GRAMD1B: variants seen among roughly 807,000 people sequenced by gnomAD.
GRAMD1B encodes GRAM domain containing 1B.
GRAMD1B carries 37 observed loss-of-function variants against 99.7 expected under a neutral mutation model. The ratio of observed to expected loss-of-function variants is 0.37; its 90% confidence interval spans 0.29 to 0.49. The LOEUF (loss-of-function observed/expected upper bound fraction) is 0.49, where lower values mean the gene tolerates loss of function less well. Ranked by LOEUF, GRAMD1B falls within the 20% of genes least tolerant of loss-of-function variation. The pLI is 0.98. For synonymous variants in GRAMD1B, 427 were observed against 387.6 expected, an observed-to-expected ratio of 1.10 and a Z score of -1.19; for missense variants, 888 against 1,009.2, an observed-to-expected ratio of 0.88 and a Z score of 1.63.
intron 2 of GRAMD1B, among the ~76,000 whole-genome samples, chr11:123,509,274 C>G (rs1190928346): frequency 6.6e-6 from 1 of 152,130 alleles, no homozygotes; most frequent in Non-Finnish European, 1.5e-5. Context: ...TCACTTGTAG[C>G]CTTTTGTAGA....
At chr11:123,463,657 G>A (rs1950539359) in intron 1 of GRAMD1B, among the ~76,000 whole-genome samples, 1 of 152,152 alleles carries the variant, frequency 6.6e-6, no homozygotes, top group African/African-American at 2.4e-5. Flanking sequence ...TGGGTCAGCA[G>A]AGAAAAAAGT....
At chr11:123,575,395 C>A (rs968500475) in intron 2 of GRAMD1B, among the ~76,000 whole-genome samples, 31 of 152,114 alleles carry the variant, frequency 2.0e-4, no homozygotes, top group African/African-American at 7.0e-4. Flanking sequence ...GTTGCCCGGG[C>A]TGGTCTCAAA....
chr11:123,368,272 A>AG (rs1321062911), intron 1 of GRAMD1B, among the ~76,000 whole-genome samples: 1 of 143,150 alleles, frequency 7.0e-6, no homozygotes, highest in Non-Finnish European at 1.5e-5. Flanking sequence ...AAAAAAAAAA[A>AG]AAAAAAGAAA....
chr11:123,567,921 A>G (rs1298176881), intron 2 of GRAMD1B, among the ~76,000 whole-genome samples: 1 of 152,222 alleles, frequency 6.6e-6, no homozygotes, highest in Non-Finnish European at 1.5e-5. Context: ...CCTTATGTTA[A>G]TTAGTCAATT....
chr11:123,613,663 G>C lies in GRAMD1B; in HGVS notation c.2227+5G>C. 1 of 1,610,808 alleles carries C rather than the reference G, an allele frequency of 6.2e-7. No homozygotes were observed. Among genetic ancestry groups the C allele is most frequent in the Non-Finnish European group, 8.5e-7 (1 of 1,178,226 alleles). ...ACAGGATCAAACATGTGGCAGGTGT[G>C]TGCCAGGTGGGGACAGGTCGGGTGG... On this transcript the variant is annotated splice_donor_5th_base_variant and intron_variant, in intron 16 of 19. Coordinates refer to ENST00000635736, the MANE Select transcript of GRAMD1B (RefSeq NM_001387025.1).
chr11:123,494,514 A>G (rs778487769), intron 2 of GRAMD1B, among the ~76,000 whole-genome samples: 2 of 151,774 alleles, frequency 1.3e-5, no homozygotes, highest in Non-Finnish European at 2.9e-5. Context: ...TGCTTCCCCA[A>G]GTTCCCAGCT....
chr11:123,423,927 T>A (rs1401584661), intron 1 of GRAMD1B, among the ~76,000 whole-genome samples: 1 of 152,114 alleles, frequency 6.6e-6, no homozygotes, highest in South Asian at 2.1e-4. Flanking sequence ...CCTGGCTTAG[T>A]GTAGCCATGC....
chr11:123,600,790 G>A (rs1462625533), intron 8 of GRAMD1B, among the ~76,000 whole-genome samples: 1 of 152,158 alleles, frequency 6.6e-6, no homozygotes, highest in East Asian at 1.9e-4. Context: ...TCTCTAATCA[G>A]TTATGGTAAT....
chr11:123,415,977 T>G (rs969605054), intron 1 of GRAMD1B, among the ~76,000 whole-genome samples: 1 of 152,234 alleles, frequency 6.6e-6, no homozygotes, highest in African/African-American at 2.4e-5. Flanking sequence ...TTTCTTTAGT[T>G]TTTGTCTATT....
At chr11:123,434,847 A>G (rs1949089850) in intron 1 of GRAMD1B, among the ~76,000 whole-genome samples, 2 of 152,228 alleles carry the variant, frequency 1.3e-5, no homozygotes, top group African/African-American at 2.4e-5. Context: ...TGGACTTAAT[A>G]TCAGAAGACA....
At chr11:123,431,233 G>A (rs892059887) in intron 1 of GRAMD1B, 67 bp downstream of exon 1, 3 of 618,082 alleles carry the variant, frequency 4.9e-6, no homozygotes, top group South Asian at 1.9e-5. Flanking sequence ...CCAGGGCCCC[G>A]GGGCATTCTG....
intron 2 of GRAMD1B, among the ~76,000 whole-genome samples, chr11:123,524,318 TTTTTATTTTA>T (rs6144546): frequency 1.4e-4 from 19 of 137,544 alleles, no homozygotes; most frequent in South Asian, 1.0e-3. Flanking sequence ...CCAGTTTTTA[TTTTTATTTTA>T]TTTTATTTTA....
intron 1 of GRAMD1B, among the ~76,000 whole-genome samples, chr11:123,440,850 T>C (rs557749240): frequency 6.6e-6 from 1 of 152,264 alleles, no homozygotes; most frequent in East Asian, 1.9e-4. Context: ...TTCCCACATG[T>C]TGTGGGAGGG....
At chr11:123,452,041 C>T (rs926505262) in intron 1 of GRAMD1B, among the ~76,000 whole-genome samples, 2 of 152,008 alleles carry the variant, frequency 1.3e-5, no homozygotes, top group African/African-American at 4.8e-5. Flanking sequence ...ACTATGTTTT[C>T]CGGGTTAGTC....
In GRAMD1B at chr11:123,510,285, G is replaced by A. The variant is rs530837356; in HGVS notation, c.452+29392G>A. Among the ~76,000 whole-genome samples the A allele has an allele frequency of 6.6e-6, 1 of 152,150 alleles. No homozygotes were observed. The highest frequency in any genetic ancestry group is 2.1e-4 in the South Asian group (1 of 4,810). On this transcript the variant is annotated intron_variant, in intron 2 of 19. Transcript: ENST00000635736. The surrounding 1 kb of genome is among the most constrained non-coding windows in gnomAD (Gnocchi z 4.3). ...TCTTCCCACATGCCCCCCTCATCCT[G>A]ACCTGTGGGTACCAGTTGGCGGGGT...
At chr11:123,487,616 G>GT (rs1482220084) in intron 2 of GRAMD1B, among the ~76,000 whole-genome samples, 1 of 152,012 alleles carries the variant, frequency 6.6e-6, no homozygotes, top group Non-Finnish European at 1.5e-5. Flanking sequence ...GTTTGATTTT[G>GT]TTTTTTTAGA....
Position 123,537,599 on chromosome 11 carries a change from G to T in GRAMD1B, c.453-39768G>T, listed in dbSNP as rs558972677. ...GTTTATCTTGCATCTGTTAACTCTG[G>T]CATGTTCAAATGGTTTCTGTTAACC... is the stretch of plus-strand genomic sequence containing the variant. On this transcript the variant is annotated intron_variant, in intron 2 of 19. Coordinates refer to ENST00000635736, the MANE Select transcript of GRAMD1B (RefSeq NM_001387025.1). 3.3e-5 allele frequency among the ~76,000 whole-genome samples: 5 copies of T among 152,220 alleles called. No individual in the cohort carries two copies. The South Asian group carries it at 1.0e-3, about 32-fold the overall frequency.
At chr11:123,611,304 G>A (rs997308185) in intron 14 of GRAMD1B, among the ~76,000 whole-genome samples, 1 of 152,014 alleles carries the variant, frequency 6.6e-6, no homozygotes, top group Non-Finnish European at 1.5e-5. Context: ...GAGTGGTGGC[G>A]TGTACTGTAG....
intron 2 of GRAMD1B, among the ~76,000 whole-genome samples, chr11:123,485,350 C>T (rs768192130): frequency 2.0e-5 from 3 of 152,098 alleles, no homozygotes; most frequent in South Asian, 2.1e-4. Context: ...AGGTTCAGAA[C>T]GGTTATAGTA....
Sources: allele counts gnomAD v4.1 joint callset (sites outside exome capture counted in the v4.1 genomes callset), GRCh38; gene constraint gnomAD v4.1.1; non-coding constraint Gnocchi (gnomAD v3.1); transcripts MANE v1.5; gene names NCBI Gene and HGNC (gene_info 2026-07-23, HGNC 2026-07-21).